The following DSCAM variants were observed in gnomAD, a reference collection of about 807,000 sequenced individuals.
DSCAM encodes cell adhesion molecule DSCAM.
A neutral mutation model predicts 217.7 loss-of-function variants in DSCAM; 47 were observed. The ratio of observed to expected loss-of-function variants is 0.22; its 90% CI spans 0.17 to 0.28. DSCAM has a LOEUF of 0.28. Ranked by LOEUF, DSCAM falls within the 10% of genes least tolerant of loss-of-function variation. The pLI, the probability that DSCAM is intolerant of heterozygous loss-of-function variation, is 1.00. For missense variants in DSCAM, 2,080 were observed against 2,618.3 expected (o/e 0.79, Z 4.49); for synonymous variants, 1,056 against 1,015.3 (o/e 1.04, Z -0.76).
At position 40,295,316 on chromosome 21, in the gene DSCAM, G is replaced by A. The variant is rs151157670; in HGVS notation, c.2182+739C>T. On this transcript the variant is annotated intron_variant, in intron 10 of 32. Coordinates refer to ENST00000400454, the MANE Select transcript of DSCAM (RefSeq NM_001389.5). Reference sequence around the variant, plus strand: ...AACTTCCAATATGTTTGCAAGTACCGTTAAGGAGGCGTTCTGAAGAAGCCA... The same window carrying A: ...AACTTCCAATATGTTTGCAAGTACCATTAAGGAGGCGTTCTGAAGAAGCCA... 1.8e-3 allele frequency among the ~76,000 whole-genome samples: 274 copies of A among 152,232 alleles called. 1 individual carries two copies. The highest frequency in any genetic ancestry group is 3.1e-3 in the Non-Finnish European group (213 of 68,002).
intron 4 of DSCAM, among the ~76,000 whole-genome samples, chr21:40,357,443 A>G (rs998079831): frequency 1.1e-4 from 17 of 152,320 alleles, no homozygotes; most frequent in African/African-American, 3.8e-4. Context: ...GGGTTCAGTG[A>G]ACTAGAAGAC....
At chr21:40,208,388 A>G (rs959123558) in intron 11 of DSCAM, among the ~76,000 whole-genome samples, 31 of 152,208 alleles carry the variant, frequency 2.0e-4, no homozygotes, top group Non-Finnish European at 4.1e-4. Context: ...TGGGAAGCAG[A>G]CACTGCAGTG....
chr21:40,157,362 T>C (rs1042169835), intron 16 of DSCAM, among the ~76,000 whole-genome samples: 4 of 151,962 alleles, frequency 2.6e-5, no homozygotes, highest in Admixed American at 1.3e-4. Flanking sequence ...GCATGTGAGG[T>C]AGAACTTACT....
chr21:40,350,090 A>T (rs2074612800), intron 5 of DSCAM, among the ~76,000 whole-genome samples: 2 of 152,140 alleles, frequency 1.3e-5, no homozygotes, highest in African/African-American at 4.8e-5. Context: ...TCTGGGATAC[A>T]TGCGCTGAAC....
At chr21:40,043,658 A>C (rs770575098) in intron 31 of DSCAM, among the ~76,000 whole-genome samples, 8 of 152,192 alleles carry the variant, frequency 5.3e-5, no homozygotes, top group African/African-American at 9.7e-5. Context: ...TTCCCTATAG[A>C]GGGTGCTATG....
At chr21:40,168,931 A>C (rs1403121861) in intron 15 of DSCAM, among the ~76,000 whole-genome samples, 2 of 152,184 alleles carry the variant, frequency 1.3e-5, no homozygotes, top group Admixed American at 1.3e-4. Context: ...GGGCCAATGG[A>C]ATTTGTATCA....
chr21:40,179,325 C>T (rs572832028), intron 14 of DSCAM, among the ~76,000 whole-genome samples: 7 of 152,010 alleles, frequency 4.6e-5, no homozygotes, highest in East Asian at 3.9e-4. Flanking sequence ...ATTCACGCTG[C>T]GAGGGACATG....
chr21:40,824,541 C>T (rs891479355), intron 1 of DSCAM, among the ~76,000 whole-genome samples: 10 of 151,922 alleles, frequency 6.6e-5, no homozygotes, highest in Non-Finnish European at 1.2e-4. Context: ...TCCTCAGTAG[C>T]TGGGACCACA....
intron 3 of DSCAM, among the ~76,000 whole-genome samples, chr21:40,594,584 G>T (rs749732507): frequency 2.8e-4 from 43 of 152,208 alleles, no homozygotes; most frequent in Non-Finnish European, 5.7e-4. Context: ...AGGGTAGGGG[G>T]TAATAAAGAG....
At chr21:40,572,780 A>G (rs1424320052) in intron 3 of DSCAM, among the ~76,000 whole-genome samples, 1 of 152,224 alleles carries the variant, frequency 6.6e-6, no homozygotes, top group Non-Finnish European at 1.5e-5. Flanking sequence ...TAAAGGAAGA[A>G]TGTTGCTTTT....
intron 3 of DSCAM, among the ~76,000 whole-genome samples, chr21:40,606,945 C>T (rs1213301198): frequency 6.6e-6 from 1 of 152,184 alleles, no homozygotes; most frequent in Non-Finnish European, 1.5e-5. Context: ...CTGTCTTTGC[C>T]TGCTGCCATC....
Position 40,016,869 on chromosome 21 carries a change from C to G in DSCAM, c.5687-3483G>C, listed in dbSNP as rs1433946298. Among the ~76,000 whole-genome samples the G allele has an allele frequency of 6.6e-6, 1 of 152,166 alleles. No individual in the cohort carries two copies. The highest frequency in any genetic ancestry group is 1.5e-5 in the Non-Finnish European group (1 of 68,036). On this transcript the variant is annotated intron_variant, in intron 32 of 32. Coordinates refer to ENST00000400454, the MANE Select transcript of DSCAM (RefSeq NM_001389.5). This position sits in a 1 kb window ranked among gnomAD's most constrained non-coding sequence, Gnocchi z 4.3. Reference sequence around the variant, plus strand: ...AGAGAACTGGCCTGTAATCCCCGCCCACTTTGGGAGGCCTAGGCAATGGAT... The same window carrying G: ...AGAGAACTGGCCTGTAATCCCCGCCGACTTTGGGAGGCCTAGGCAATGGAT...
intron 16 of DSCAM, among the ~76,000 whole-genome samples, chr21:40,158,261 G>A (rs1221928750): frequency 1.3e-5 from 2 of 152,036 alleles, no homozygotes; most frequent in African/African-American, 4.8e-5. Flanking sequence ...ATGGTGGTAT[G>A]CACTTGTAGT....
At chr21:40,730,865 T>A (rs1041338918) in intron 1 of DSCAM, among the ~76,000 whole-genome samples, 1 of 152,166 alleles carries the variant, frequency 6.6e-6, no homozygotes, top group Non-Finnish European at 1.5e-5. Context: ...AAACAGAAAT[T>A]GTTACAAAAT....
intron 3 of DSCAM, among the ~76,000 whole-genome samples, chr21:40,491,043 C>G (rs531274478): frequency 1.3e-5 from 2 of 152,298 alleles, no homozygotes; most frequent in South Asian, 4.1e-4. Context: ...ATCTGTGAGT[C>G]TCTGCCCCCG....
intron 9 of DSCAM, among the ~76,000 whole-genome samples, chr21:40,307,765 GA>G: frequency 6.6e-6 from 1 of 152,186 alleles, no homozygotes; most frequent in East Asian, 1.9e-4. Context: ...AAAAAATGAT[GA>G]GTTCATGTCC....
intron 1 of DSCAM, among the ~76,000 whole-genome samples, chr21:40,769,979 C>T (rs2091430417): frequency 6.6e-6 from 1 of 152,182 alleles, no homozygotes; most frequent in African/African-American, 2.4e-5. Flanking sequence ...GAATTGTGCC[C>T]AATCTCTCTC....
At position 40,144,625 on chromosome 21, in the gene DSCAM, G is replaced by C. The variant is rs769056387; in HGVS notation, c.3125C>G (p.Thr1042Ser). Reference protein sequence around the residue: ...NFQFNIISVDTSGDSEVYTLD... With the variant: ...NFQFNIISVDSSGDSEVYTLD... ...GGTGTAAACCTCACTGTCCCCGCTGGTGTCGACACTGATAATGTTGAATTG... is the reference window on the plus strand; with the variant it reads ...GGTGTAAACCTCACTGTCCCCGCTGCTGTCGACACTGATAATGTTGAATTG... Residue 1042 changes from threonine (T) to serine (S), a missense_variant, in exon 17 of 33, where the codon ACC becomes AGC. Coordinates refer to ENST00000400454, the MANE Select transcript of DSCAM (RefSeq NM_001389.5). The surrounding 1 kb of genome is among the most constrained non-coding windows in gnomAD (Gnocchi z 4.8). The C allele has an allele frequency of 3.7e-6, 6 of 1,614,132 alleles. No individual in the cohort carries two copies. The highest frequency in any genetic ancestry group is 4.2e-6 in the Non-Finnish European group (5 of 1,180,022).
chr21:40,429,787 G>C (rs1022041766), intron 3 of DSCAM, among the ~76,000 whole-genome samples: 1 of 152,200 alleles, frequency 6.6e-6, no homozygotes, highest in Non-Finnish European at 1.5e-5. Context: ...AAGTACTCCA[G>C]AATATGTTAC....
Sources: gnomAD v4.1 joint callset for allele counts (sites outside exome capture counted in the v4.1 genomes callset) on GRCh38, gnomAD v4.1.1 for gene constraint, Gnocchi (gnomAD v3.1) non-coding constraint, MANE v1.5 for transcripts, NCBI Gene and HGNC (gene_info 2026-07-23, HGNC 2026-07-21) for gene names.